Variants in CRELD2 observed in about 807,000 individuals in gnomAD.
The protein encoded by CRELD2 is CRELD disulfide isomerase 2.
A neutral mutation model predicts 48.1 loss-of-function variants in CRELD2; 33 were observed. The ratio of observed to expected loss-of-function variants is 0.69; its 90% CI spans 0.52 to 0.92. The LOEUF is 0.92. CRELD2 is among the 40% of genes least tolerant of loss of function. The probability of loss-of-function intolerance (pLI) is 0.00; values close to 1 mark genes in which losing one functional copy is unlikely to be tolerated. For synonymous variants in CRELD2, 220 were observed against 203.9 expected, an observed-to-expected ratio of 1.08 and a Z score of -0.67; for missense variants, 477 against 482.4, an observed-to-expected ratio of 0.99 and a Z score of 0.10.
intron 7 of CRELD2, 190 bp from the exon 8 acceptor site, chr22:49,924,170 C>T (rs2060732536): frequency 5.8e-6 from 3 of 513,506 alleles, no homozygotes; most frequent in Non-Finnish European, 1.1e-5. Flanking sequence ...TCTCCGGGAG[C>T]ACCTGCTGCA....
chr22:49,924,774 T>G (rs12170530), intron 8 of CRELD2: 56,497 of 220,684 alleles, frequency 0.26, 8,859 homozygotes, highest in African/African-American at 0.48. Flanking sequence ...GAGGCTTAAG[T>G]CCAGGCCTGC....
At chr22:49,922,840 TGGG>T (rs1452909048) in intron 6 of CRELD2, 133 bp downstream of exon 6, 3,759 of 83,938 alleles carry the variant, frequency 0.045, 167 homozygotes, top group Middle Eastern at 0.076. Flanking sequence ...GGGCGTGAGG[TGGG>T]GGCGTGAGGT....
rs571438112 is a variant in CRELD2 at position 49,923,565 on chromosome 22, C to T, written c.772+248C>T. 6.8e-4 allele frequency: 410 copies of T among 604,684 alleles called. 2 individuals carry two copies. The highest frequency in any genetic ancestry group is 1.7e-3 in the Middle Eastern group (5 of 2,920). 37.5% of individuals were successfully genotyped at this position (604,684 alleles called of 1,614,324 possible). Reference sequence around the variant, plus strand: ...GCACCCTGCTGGTGCCTCCACTGCTCGTGCCCCCCCAGCGCCCCCGCAACG... The same window carrying T: ...GCACCCTGCTGGTGCCTCCACTGCTTGTGCCCCCCCAGCGCCCCCGCAACG... On this transcript the variant is annotated intron_variant, in intron 7 of 9. Coordinates refer to ENST00000328268, the MANE Select transcript of CRELD2 (RefSeq NM_024324.5).
chr22:49,925,554 G>A lies in CRELD2; in HGVS notation c.1006G>A (p.Ala336Thr). Reference sequence around the variant, plus strand: ...AGATGCCTGTGTGCCGCCGGCAGAGGCTGGTGAGTGGCACGGCTGCCCTCC... The same window carrying A: ...AGATGCCTGTGTGCCGCCGGCAGAGACTGGTGAGTGGCACGGCTGCCCTCC... ...TEDACVPPAE[A>T]EATEGESPTQ... The change falls in exon 9 of 10, where the codon GCT (alanine) becomes ACT (threonine). Residue 336 changes from alanine to threonine, a missense_variant. Transcript: ENST00000328268. The A allele has an allele frequency of 6.2e-7, 1 of 1,613,444 alleles. No individual in the cohort carries two copies. Among genetic ancestry groups the A allele is most frequent in the Non-Finnish European group, 8.5e-7 (1 of 1,180,012 alleles).
chr22:49,919,623 G>A (rs1032148602), intron 2 of CRELD2, 107 bp from the exon 3 acceptor site: 6 of 775,436 alleles, frequency 7.7e-6, no homozygotes, highest in African/African-American at 7.1e-5. Flanking sequence ...CTCTGTGCCC[G>A]GAGTCCTGGC....
chr22:49,922,304 C>A, intron 5 of CRELD2: 1 of 1,278,240 alleles, frequency 7.8e-7, no homozygotes, highest in Non-Finnish European at 1.1e-6. Context: ...CAGTCAGGAC[C>A]GGCCTCTCCG....
intron 5 of CRELD2, chr22:49,922,324 C>T (rs113299196): frequency 2.5e-5 from 31 of 1,239,214 alleles, no homozygotes; most frequent in South Asian, 1.5e-4. Flanking sequence ...GATTCTTACC[C>T]GCCTTGCTGT....
rs761038141 is a variant in CRELD2 at position 49,924,459 on chromosome 22, A to G, written c.868+4A>G. ...AGGGAGCACGGACAGTGTGCAGGTC[A>G]GTGACGGGGTCTGTGCTGGACGCTG... On this transcript the variant is annotated splice_donor_region_variant and intron_variant, in intron 8 of 9. Coordinates refer to ENST00000328268, the MANE Select transcript of CRELD2 (RefSeq NM_024324.5). 1 of 1,596,836 alleles carries G rather than the reference A, an allele frequency of 6.3e-7. No individual in the cohort carries two copies. Among genetic ancestry groups the G allele is most frequent in the Non-Finnish European group, 8.5e-7 (1 of 1,170,094 alleles).
chr22:49,923,770 C>T (rs191858878), intron 7 of CRELD2: 3,237 of 284,170 alleles, frequency 0.011, 32 homozygotes, highest in Middle Eastern at 0.03. Flanking sequence ...AACTTATAAA[C>T]TGTGAACACT....
rs774567957 is a variant in CRELD2, at chr22:49,921,668, C to T, written c.499C>T (p.Arg167Trp). 47 of 1,612,796 alleles carry T rather than the reference C, an allele frequency of 2.9e-5. No homozygotes were observed. Among genetic ancestry groups the T allele is most frequent in the Admixed American group, 6.7e-5 (4 of 60,004 alleles). Residue 167 changes from arginine to tryptophan, a missense_variant, in exon 5 of 10, where the codon CGG becomes TGG. Physicochemically the swap from Arg to Trp is moderately radical, Grantham distance 101. Transcript: ENST00000328268. The part of the protein sequence containing the change: ...DGSRQGDGSC[R>W]CHMGYQGPLC... ...GAGCAGACAGGGCGACGGGTCCTGC[C>T]GGTGCCACATGGGGTACCAGGGCCC...
chr22:49,924,362 T>A lies in CRELD2; in HGVS notation c.775T>A (p.Cys259Ser). The change falls in exon 8 of 10, where the codon TGT becomes AGT. Residue 259 changes from cysteine to serine, a missense_variant and splice_region_variant. Coordinates refer to ENST00000328268, the MANE Select transcript of CRELD2 (RefSeq NM_024324.5). The stretch of plus-strand genomic sequence containing the variant: ...CTGACGCTGGCTCCCTGTTGCAGAG[T>A]GTGACTCCAGCTGTGTGGGCTGCAC... ...NANGSYTCEE[C>S]DSSCVGCTGE... 6.2e-7 allele frequency: 1 copy of A among 1,610,184 alleles called. No homozygotes were observed. The highest frequency in any genetic ancestry group is 2.2e-5 in the East Asian group (1 of 44,810).
chr22:49,920,443 A>T (rs2060673429), intron 4 of CRELD2, among the ~76,000 whole-genome samples, 196 bp downstream of exon 4: 1 of 152,142 alleles, frequency 6.6e-6, no homozygotes, highest in African/African-American at 2.4e-5. Flanking sequence ...CAGCCTCACC[A>T]CTAACCTCAT....
intron 6 of CRELD2, among the ~76,000 whole-genome samples, 154 bp downstream of exon 6, chr22:49,922,861 T>G (rs1268842611): frequency 2.9e-4 from 11 of 38,356 alleles, no homozygotes; most frequent in African/African-American, 2.0e-3. Context: ...GGTGTGGGGC[T>G]TGGGGTGTGG....
chr22:49,926,490 T>C (rs2060765157), intron 9 of CRELD2: 1 of 152,332 alleles, frequency 6.6e-6, no homozygotes, highest in South Asian at 2.0e-4. Context: ...AGCATCGTAG[T>C]AAACAGCAAC....
Position 49,927,418 on chromosome 22 carries a change from T to A in CRELD2, c.*111T>A, listed in dbSNP as rs1209663654. ...CGGCGGGGAGAGGCTGCCTGCTCTC[T>A]AACGGTTGATTCTCATTTGTCCCTT... On this transcript the variant is annotated 3_prime_UTR_variant, in exon 10 of 10. Transcript: ENST00000328268. The A allele has an allele frequency of 3.7e-6, 3 of 817,382 alleles. No homozygotes were observed. The highest frequency in any genetic ancestry group is 6.4e-6 in the Non-Finnish European group (3 of 466,396). The allele number at this position is 817,382 out of a possible 1,614,324, so 50.6% of individuals were successfully genotyped here.
rs1257536554 is a variant in CRELD2, at chr22:49,927,515, AC to A, written c.*210del. ...GATACAGTTCTTTGTAATAAAATTGACCATTGTAGGTAATCAGGAGGAGAAC... is the reference window on the plus strand; with the variant it reads ...GATACAGTTCTTTGTAATAAAATTGACATTGTAGGTAATCAGGAGGAGAAC... On this transcript the variant is annotated 3_prime_UTR_variant, in exon 10 of 10. Transcript: ENST00000328268. 6.9e-6 allele frequency: 4 copies of A among 576,544 alleles called. No homozygotes were observed. Among genetic ancestry groups the A allele is most frequent in the Non-Finnish European group, 1.3e-5 (4 of 319,544 alleles). The allele number at this position is 576,544 out of a possible 1,614,324, so 35.7% of individuals were successfully genotyped here. A position where few individuals can be genotyped will look rare whatever the true frequency, so the allele number is the denominator to read the frequency against.
rs763285432 is a variant in CRELD2, at chr22:49,927,281, C to A, written c.1036C>A (p.Gln346Lys). The stretch of plus-strand genomic sequence containing the variant: ...AGCCACAGAAGGAGAAAGCCCGACA[C>A]AGCTGCCCTCCCGCGAAGACCTGTA... Reference protein sequence around the residue: ...AEATEGESPTQLPSREDL With the variant: ...AEATEGESPTKLPSREDL The change falls in exon 10 of 10, where the codon CAG becomes AAG. Residue 346 changes from glutamine (Q) to lysine (K), a missense_variant. Physicochemically the swap from Gln to Lys is moderately conservative, Grantham distance 53. Coordinates refer to ENST00000328268, the MANE Select transcript of CRELD2 (RefSeq NM_024324.5). 6.2e-7 allele frequency: 1 copy of A among 1,612,456 alleles called. No individual in the cohort carries two copies. The highest frequency in any genetic ancestry group is 1.7e-5 in the Admixed American group (1 of 60,012).
chr22:49,924,154 C>T (rs1188268021), intron 7 of CRELD2: 9 of 499,728 alleles, frequency 1.8e-5, no homozygotes, highest in Non-Finnish European at 2.9e-5. Context: ...TGGTCTGCAC[C>T]ATGGCTCTCC....
At chr22:49,921,161 C>T (rs9616393) in intron 4 of CRELD2, 20,533 of 170,832 alleles carry the variant, frequency 0.12, 1,327 homozygotes, top group African/African-American at 0.15. Context: ...CTGCACGGCT[C>T]GTGAGGGTCC....
Sources: gnomAD v4.1 joint callset for allele counts (sites outside exome capture counted in the v4.1 genomes callset) on GRCh38, gnomAD v4.1.1 for gene constraint, MANE v1.5 for transcripts, NCBI Gene and HGNC (gene_info 2026-07-23, HGNC 2026-07-21) for gene names.